VDR: variants seen among roughly 807,000 people sequenced by gnomAD.
The protein encoded by VDR is vitamin D3 receptor.
A neutral mutation model predicts 39.7 loss-of-function variants in VDR; 19 were observed. The observed-to-expected ratio is 0.48, with a 90% CI of 0.33 to 0.70. The LOEUF (loss-of-function observed/expected upper bound fraction) is 0.70, where lower values mean the gene tolerates loss of function less well. VDR is among the 30% of genes least tolerant of loss of function. VDR has a pLI of 0.02. For synonymous variants in VDR, 242 were observed against 215.8 expected (o/e 1.12, Z -1.07); for missense variants, 442 against 570.5 (o/e 0.77, Z 2.29).
chr12:47,881,884 G>T (rs1946157126), intron 2 of VDR, among the ~76,000 whole-genome samples: 1 of 152,142 alleles, frequency 6.6e-6, no homozygotes, highest in African/African-American at 2.4e-5. Context: ...GATGCTTGTG[G>T]CTTAACCCTG....
At chr12:47,857,480 C>T in intron 5 of VDR, 24 bp downstream of exon 5, 11 of 1,614,142 alleles carry the variant, frequency 6.8e-6, no homozygotes, top group South Asian at 3.3e-5. Context: ...TGGACCGGCT[C>T]ATCCTCCCAG....
Position 47,859,923 on chromosome 12 carries a change from T to C in VDR, c.278-2235A>G, listed in dbSNP as rs35283384. Among the ~76,000 whole-genome samples, 494 of 49,472 alleles carry C rather than the reference T, an allele frequency of 1.0e-2. 1 individual carries two copies. Among genetic ancestry groups the C allele is most frequent in the Non-Finnish European group, 0.013 (341 of 25,382 alleles). 32.5% of individuals were successfully genotyped at this position (49,472 alleles called of 152,430 possible). On this transcript the variant is annotated intron_variant, in intron 4 of 9. Transcript: ENST00000549336. ...CTTCCTTCCTTCCTTCCTTCTTTCT[T>C]TTTCTTTCTTTCTTTCTTTCTTTCT...
rs567013696 is a variant in VDR, at chr12:47,868,620, G to C, written c.147-3443C>G. Among the ~76,000 whole-genome samples the C allele has an allele frequency of 3.1e-4, 47 of 152,270 alleles. 1 individual carries two copies. The highest frequency in any genetic ancestry group is 1.1e-3 in the African/African-American group (46 of 41,548). ...CCACAGGGACATCTGTATGTTCCAG[G>C]ACATGAGATTGGTGTCCCTCCCACC... On this transcript the variant is annotated intron_variant, in intron 3 of 9. Transcript: ENST00000549336.
At chr12:47,860,824 C>T (rs1592111812) in intron 4 of VDR, among the ~76,000 whole-genome samples, 1 of 152,306 alleles carries the variant, frequency 6.6e-6, no homozygotes, top group East Asian at 1.9e-4. Context: ...TACTTCTGAT[C>T]TCTTGGGAGC....
chr12:47,871,080 CT>C (rs896972811), intron 3 of VDR, among the ~76,000 whole-genome samples: 29 of 148,812 alleles, frequency 1.9e-4, no homozygotes, highest in Non-Finnish European at 2.7e-4. Flanking sequence ...AGAGCACAGA[CT>C]TTTTTTTTTG....
intron 4 of VDR, among the ~76,000 whole-genome samples, chr12:47,859,927 CTTTCTTTCTTTCTTTCT>C: frequency 1.5e-5 from 1 of 65,430 alleles, no homozygotes; most frequent in East Asian, 6.2e-4. Flanking sequence ...CTTTCTTTTT[CTTTCTTTCTTTCTTTCT>C]TTCTTTCTTT....
At chr12:47,857,980 C>G (rs1352011099) in intron 4 of VDR, among the ~76,000 whole-genome samples, 1 of 152,184 alleles carries the variant, frequency 6.6e-6, no homozygotes, top group Non-Finnish European at 1.5e-5. Context: ...CTTGGGCAAA[C>G]TCTCTGGGCT....
rs762938778 is a variant in VDR, at chr12:47,865,104, G to A, written c.220C>T (p.Arg74Cys). 20 of 1,613,992 alleles carry A rather than the reference G, an allele frequency of 1.2e-5. No individual in the cohort carries two copies. In the East Asian group the frequency reaches 1.6e-4, roughly 13 times the overall value. The stretch of plus-strand genomic sequence containing the variant: ...TTGAGCCGGCAGGCCTGGCAGTGGC[G>A]TCGGTTGTCCTTGGTGATGCGGCAG... ...GDCRITKDNR[R>C]HCQACRLKRC... The change falls in exon 4 of 10, where the codon CGC becomes TGC. Residue 74 changes from arginine (R) to cysteine (C), a missense_variant. Arg to Cys is a radical substitution (Grantham distance 180). This residue lies in a region of VDR where 141 missense variants were observed against 141.3 expected (regional missense o/e 1.00). Coordinates refer to ENST00000549336, the MANE Select transcript of VDR (RefSeq NM_000376.3).
At chr12:47,871,292 C>CTCTTTCTCTT (rs1555153495) in intron 3 of VDR, among the ~76,000 whole-genome samples, 11 of 79,880 alleles carry the variant, frequency 1.4e-4, no homozygotes, top group African/African-American at 5.1e-4. Context: ...CTTTCTCTTT[C>CTCTTTCTCTT]TCTTTCTTTC....
chr12:47,901,846 G>C (rs1020917610), intron 1 of VDR, among the ~76,000 whole-genome samples: 2 of 152,208 alleles, frequency 1.3e-5, no homozygotes, highest in Non-Finnish European at 2.9e-5. Context: ...GGGTGGGGCA[G>C]GAAAACCAAA....
intron 1 of VDR, chr12:47,899,980 G>C (rs1037819701): frequency 1.0e-6 from 1 of 984,868 alleles, no homozygotes; most frequent in East Asian, 1.1e-4. Context: ...GCCAGGAGAG[G>C]GAAAAGGTAG....
intron 3 of VDR, among the ~76,000 whole-genome samples, chr12:47,871,460 T>C (rs1311790529): frequency 2.2e-5 from 3 of 134,384 alleles, no homozygotes; most frequent in Admixed American, 1.5e-4. Context: ...TTTTCTCTCT[T>C]TCTTTCTTTT....
chr12:47,865,304 C>T lies in VDR; in HGVS notation c.147-127G>A, dbSNP rs560212120. On this transcript the variant is annotated intron_variant, in intron 3 of 9. Coordinates refer to ENST00000549336, the MANE Select transcript of VDR (RefSeq NM_000376.3). ...CCAACAGAAGACATGAGGCCCACCCCAGCTGCCAGTCACTCTCACCTCTAG... is the reference window on the plus strand; with the variant it reads ...CCAACAGAAGACATGAGGCCCACCCTAGCTGCCAGTCACTCTCACCTCTAG... 13 of 1,417,488 alleles carry T rather than the reference C, an allele frequency of 9.2e-6. No homozygotes were observed. The South Asian group carries it at 1.4e-4, about 16-fold the overall frequency. The allele number at this position is 1,417,488 out of a possible 1,614,324, so 87.8% of individuals were successfully genotyped here.
At chr12:47,887,673 G>A (rs1262356041) in intron 1 of VDR, among the ~76,000 whole-genome samples, 3 of 152,370 alleles carry the variant, frequency 2.0e-5, no homozygotes, top group East Asian at 1.9e-4. Flanking sequence ...CTATGGAAAG[G>A]GCCCATGGAG....
intron 1 of VDR, among the ~76,000 whole-genome samples, chr12:47,901,691 G>A (rs141771876): frequency 6.6e-6 from 1 of 152,360 alleles, no homozygotes; most frequent in Non-Finnish European, 1.5e-5. Context: ...CTGGGAAGCT[G>A]GATGAGCAAA....
intron 1 of VDR, among the ~76,000 whole-genome samples, chr12:47,887,496 G>A (rs756571701): frequency 1.7e-4 from 26 of 152,190 alleles, no homozygotes; most frequent in Non-Finnish European, 2.9e-4. Context: ...TGTGAGTGAA[G>A]TTGCAGGGGA....
chr12:47,856,878 G>A (rs1945498659), intron 6 of VDR, among the ~76,000 whole-genome samples: 1 of 152,254 alleles, frequency 6.6e-6, no homozygotes, highest in Non-Finnish European at 1.5e-5. Context: ...AGAGGAAACA[G>A]CATGGGCCCG....
chr12:47,869,022 G>C (rs1945793556), intron 3 of VDR, among the ~76,000 whole-genome samples: 1 of 152,258 alleles, frequency 6.6e-6, no homozygotes, highest in Admixed American at 6.5e-5. Flanking sequence ...GGCCCCGTCT[G>C]TCCTTCCCCA....
chr12:47,878,778 T>A (rs563827286), intron 3 of VDR, 190 bp downstream of exon 3: 2 of 889,626 alleles, frequency 2.2e-6, no homozygotes, highest in African/African-American at 1.7e-5. Flanking sequence ...CAGAGGAACA[T>A]CTGGAGCTGA....
Sources: allele counts gnomAD v4.1 joint callset (sites outside exome capture counted in the v4.1 genomes callset), GRCh38; gene constraint gnomAD v4.1.1; regional missense constraint gnomAD v4.1.1; transcripts MANE v1.5; gene names NCBI Gene and HGNC (gene_info 2026-07-23, HGNC 2026-07-21).